Variants in CFDP1 observed in about 807,000 individuals in gnomAD.
The protein encoded by CFDP1 is heterochromatin-stabilizing protein CFDP1.
In CFDP1, 31 loss-of-function variants were observed where a neutral mutation model predicts 40.1. The observed-to-expected ratio is 0.77, with a 90% CI of 0.58 to 1.04. The LOEUF (loss-of-function observed/expected upper bound fraction) is 1.04, where lower values mean the gene tolerates loss of function less well. Among genes scored for constraint, CFDP1 ranks in the 50% least tolerant of loss-of-function variants. CFDP1 has a pLI of 0.00. For missense variants in CFDP1, 423 were observed against 343.4 expected (o/e 1.23, Z -1.83); for synonymous variants, 167 against 120.0 (o/e 1.39, Z -2.56).
intron 6 of CFDP1, among the ~76,000 whole-genome samples, chr16:75,302,726 C>T (rs1008536236): frequency 1.3e-5 from 2 of 152,194 alleles, no homozygotes; most frequent in African/African-American, 4.8e-5. Context: ...GGAGCTGAAT[C>T]TGAATGGAGA....
intron 2 of CFDP1, among the ~76,000 whole-genome samples, chr16:75,413,477 C>T (rs376937897): frequency 3.3e-5 from 5 of 150,272 alleles, no homozygotes; most frequent in Admixed American, 1.3e-4. Context: ...GAACTGAACC[C>T]AGGAGGCGGA....
intron 5 of CFDP1, among the ~76,000 whole-genome samples, chr16:75,353,134 T>C (rs1175704113): frequency 6.6e-6 from 1 of 152,154 alleles, no homozygotes; most frequent in African/African-American, 2.4e-5. Flanking sequence ...AGAAATCTGA[T>C]GATTAAAAAG....
At chr16:75,347,343 C>CAAAAAAAAAAAAAA (rs762900031) in intron 5 of CFDP1, among the ~76,000 whole-genome samples, 1 of 91,624 alleles carries the variant, frequency 1.1e-5, no homozygotes, top group African/African-American at 3.9e-5. Flanking sequence ...GACTCCATCT[C>CAAAAAAAAAAAAAA]AAAAAAAAAA....
chr16:75,412,806 G>T, intron 2 of CFDP1, 52 bp from the exon 3 acceptor site: 1 of 1,413,460 alleles, frequency 7.1e-7, no homozygotes, highest in Non-Finnish European at 9.9e-7. Context: ...AACGATTTCA[G>T]TTATCCCTCT....
chr16:75,409,891 AT>A (rs1250612172), intron 4 of CFDP1, among the ~76,000 whole-genome samples: 1 of 151,978 alleles, frequency 6.6e-6, no homozygotes, highest in Non-Finnish European at 1.5e-5. Flanking sequence ...TAGAGAGAAA[AT>A]TTTAATAATA....
At chr16:75,379,912 C>T (rs528554039) in intron 5 of CFDP1, 2 of 152,030 alleles carry the variant, frequency 1.3e-5, no homozygotes, top group Non-Finnish European at 2.9e-5. Flanking sequence ...CCGAGATGGG[C>T]ATATCACTTG....
intron 1 of CFDP1, among the ~76,000 whole-genome samples, chr16:75,423,517 T>G (rs894716109): frequency 2.0e-5 from 3 of 150,300 alleles, no homozygotes; most frequent in Admixed American, 6.6e-5. Flanking sequence ...GCGAGGTTGG[T>G]TTTTTTTTGT....
In CFDP1 at chr16:75,322,617, T is replaced by C. The variant is rs550838805; in HGVS notation, c.651-17435A>G. On this transcript the variant is annotated intron_variant, in intron 5 of 6. Coordinates refer to ENST00000283882, the MANE Select transcript of CFDP1 (RefSeq NM_006324.3). ...AAGGTACAGTAAAAATATGGTACAG[T>C]TGAGCATCCTAAACCCAAAAATCTG... Among the ~76,000 whole-genome samples the C allele has an allele frequency of 5.3e-5, 8 of 152,258 alleles. No individual in the cohort carries two copies. The South Asian group carries it at 1.5e-3, about 28-fold the overall frequency.
chr16:75,366,555 G>T (rs1254201545), intron 5 of CFDP1, among the ~76,000 whole-genome samples: 14 of 152,088 alleles, frequency 9.2e-5, no homozygotes, highest in African/African-American at 3.1e-4. Flanking sequence ...CATGGGAGGC[G>T]GAGGTTGCAG....
At chr16:75,408,844 A>G (rs937585639) in intron 4 of CFDP1, among the ~76,000 whole-genome samples, 13 of 151,858 alleles carry the variant, frequency 8.6e-5, no homozygotes, top group African/African-American at 3.1e-4. Context: ...CTGAGAATTG[A>G]TATTTTACTC....
chr16:75,363,972 C>CACACACACACACAG (rs1444591975), intron 5 of CFDP1, among the ~76,000 whole-genome samples: 2 of 151,618 alleles, frequency 1.3e-5, no homozygotes, highest in African/African-American at 4.8e-5. Flanking sequence ...CACACACACA[C>CACACACACACACAG]AGCCATGCAA....
At chr16:75,343,517 T>C (rs1368211883) in intron 5 of CFDP1, among the ~76,000 whole-genome samples, 4 of 152,156 alleles carry the variant, frequency 2.6e-5, no homozygotes, top group Non-Finnish European at 4.4e-5. Context: ...AAAGGAAATG[T>C]AGAGAAAATG....
chr16:75,338,806 A>G (rs1378282130), intron 5 of CFDP1, among the ~76,000 whole-genome samples: 1 of 152,178 alleles, frequency 6.6e-6, no homozygotes, highest in African/African-American at 2.4e-5. Context: ...TTCTGTGGGT[A>G]CAGACTCTTA....
chr16:75,369,854 G>C (rs750106327), intron 5 of CFDP1, among the ~76,000 whole-genome samples: 1 of 151,956 alleles, frequency 6.6e-6, no homozygotes, highest in African/African-American at 2.4e-5. Context: ...CCAGGTTCAC[G>C]TTCAAGCGAT....
At chr16:75,296,248 CTT>C (rs1473299561) in intron 6 of CFDP1, among the ~76,000 whole-genome samples, 1 of 152,044 alleles carries the variant, frequency 6.6e-6, no homozygotes, top group Non-Finnish European at 1.5e-5. Flanking sequence ...TTCTTCCTGA[CTT>C]TATTTTTTTA....
intron 5 of CFDP1, among the ~76,000 whole-genome samples, chr16:75,384,383 G>A (rs541712796): frequency 2.6e-5 from 4 of 152,002 alleles, no homozygotes. Context: ...AAGAAAAGAG[G>A]AAAAATTTTA....
At chr16:75,316,118 A>C (rs1054958877) in intron 5 of CFDP1, among the ~76,000 whole-genome samples, 3 of 152,194 alleles carry the variant, frequency 2.0e-5, no homozygotes, top group Non-Finnish European at 4.4e-5. Context: ...GAGGATGCTA[A>C]ATAGATGAGG....
chr16:75,403,394 T>C (rs1191483197), intron 4 of CFDP1, among the ~76,000 whole-genome samples: 2 of 152,160 alleles, frequency 1.3e-5, no homozygotes, highest in African/African-American at 2.4e-5. Context: ...AATTTTTATA[T>C]TTTTTGTAGA....
At chr16:75,419,323 C>A (rs910644953) in intron 1 of CFDP1, 5 of 153,070 alleles carry the variant, frequency 3.3e-5, no homozygotes, top group African/African-American at 1.2e-4. Context: ...AAATTACTAC[C>A]TATTTTGAAA....
Sources: gnomAD v4.1 joint callset for allele counts (sites outside exome capture counted in the v4.1 genomes callset) on GRCh38, gnomAD v4.1.1 for gene constraint, MANE v1.5 for transcripts, NCBI Gene and HGNC (gene_info 2026-07-23, HGNC 2026-07-21) for gene names.